The following CYBC1 variants were observed in gnomAD, a reference collection of about 807,000 sequenced individuals.
CYBC1 encodes cytochrome b-245 chaperone 1.
A neutral mutation model predicts 21.7 loss-of-function variants in CYBC1; 22 were observed. The observed-to-expected ratio is 1.02, with a 90% CI of 0.73 to 1.45. CYBC1 has a LOEUF of 1.45. Among genes scored for constraint, CYBC1 ranks in the 40% most tolerant of loss-of-function variants. The probability of loss-of-function intolerance (pLI) is 0.00; values close to 1 mark genes in which losing one functional copy is unlikely to be tolerated. For missense variants in CYBC1, 237 were observed against 242.1 expected (o/e 0.98, Z 0.14); for synonymous variants, 112 against 98.7 (o/e 1.13, Z -0.80).
chr17:82,443,360 C>T lies in CYBC1; in HGVS notation c.*644G>A. ...AGTGGTCTATGCGCCGAGATCCTGGCATCAGCAAGGGAGGCGGGTCCTCGG... is the reference window on the plus strand; with the variant it reads ...AGTGGTCTATGCGCCGAGATCCTGGTATCAGCAAGGGAGGCGGGTCCTCGG... On this transcript the variant is annotated 3_prime_UTR_variant, in exon 7 of 7. Transcript: ENST00000306645. The surrounding 1 kb of genome is among the most constrained non-coding windows in gnomAD (Gnocchi z 6.7). 1 of 462,386 alleles carries T rather than the reference C, an allele frequency of 2.2e-6. No homozygotes were observed. Among genetic ancestry groups the T allele is most frequent in the Admixed American group, 3.3e-5 (1 of 30,698 alleles). The allele number at this position is 462,386 out of a possible 1,614,324, so 28.6% of individuals were successfully genotyped here. A position where few individuals can be genotyped will look rare whatever the true frequency, so the allele number is the denominator to read the frequency against.
rs908464748 is a variant in CYBC1 at position 82,449,052 on chromosome 17, A to G, written c.85+118T>C. 8.7e-6 allele frequency: 7 copies of G among 806,166 alleles called. No homozygotes were observed. In the African/African-American group the frequency reaches 1.1e-4, roughly 12 times the overall value. 49.9% of individuals were successfully genotyped at this position (806,166 alleles called of 1,614,324 possible). The stretch of plus-strand genomic sequence containing the variant: ...ATTTGAATGGATACAAAGAAACAAA[A>G]TAGCCATTAGATTTCAAGGTAATAG... On this transcript the variant is annotated intron_variant, in intron 2 of 6. Coordinates refer to ENST00000306645, the MANE Select transcript of CYBC1 (RefSeq NM_001033046.4).
chr17:82,447,845 A>G, intron 2 of CYBC1: 2 of 602,516 alleles, frequency 3.3e-6, no homozygotes, highest in Non-Finnish European at 5.9e-6. Flanking sequence ...TTGTAATCCC[A>G]GCTACCTGGG....
At chr17:82,449,123 C>A (rs747443879) in intron 2 of CYBC1, 47 bp downstream of exon 2, 3 of 1,397,094 alleles carry the variant, frequency 2.1e-6, no homozygotes, top group African/African-American at 1.5e-5. Flanking sequence ...TTTTGAAAGT[C>A]AGGCTTCCGG....
chr17:82,449,256 C>G lies in CYBC1; in HGVS notation c.-2G>C, dbSNP rs747210616. 1.3e-6 allele frequency: 2 copies of G among 1,564,532 alleles called. No individual in the cohort carries two copies. The highest frequency in any genetic ancestry group is 1.7e-6 in the Non-Finnish European group (2 of 1,155,744). On this transcript the variant is annotated 5_prime_UTR_variant, in exon 2 of 7. Coordinates refer to ENST00000306645, the MANE Select transcript of CYBC1 (RefSeq NM_001033046.4). ...GCGGGTCTCCACCTGCAGGTACATC[C>G]CGAGAGGGCAGCACCACTCTCTACA...
chr17:82,443,852 C>T lies in CYBC1; in HGVS notation c.*152G>A, dbSNP rs951308727. 44 of 573,118 alleles carry T rather than the reference C, an allele frequency of 7.7e-5. No homozygotes were observed. The highest frequency in any genetic ancestry group is 4.0e-4 in the South Asian group (20 of 49,422). 35.5% of individuals were successfully genotyped at this position (573,118 alleles called of 1,614,324 possible). A position where few individuals can be genotyped will look rare whatever the true frequency, so the allele number is the denominator to read the frequency against. ...GGGCGGTGCACGGGCTCAGGCACAC[C>T]GGGAATGTGCCACGGGTCCTGTGGG... is the stretch of plus-strand genomic sequence containing the variant. On this transcript the variant is annotated 3_prime_UTR_variant, in exon 7 of 7. Coordinates refer to ENST00000306645, the MANE Select transcript of CYBC1 (RefSeq NM_001033046.4). The surrounding 1 kb of genome is among the most constrained non-coding windows in gnomAD (Gnocchi z 6.7).
At position 82,447,590 on chromosome 17, in the gene CYBC1, GTAGGCAGCAGC is replaced by G; in HGVS notation, c.106_116del (p.Ala36LeufsTer5). 1 of 1,601,356 alleles carries G rather than the reference GTAGGCAGCAGC, an allele frequency of 6.2e-7. No homozygotes were observed. The highest frequency in any genetic ancestry group is 8.5e-7 in the Non-Finnish European group (1 of 1,175,980). ...CGGGGGGTGCTTTACCTCCGCTGTA[GTAGGCAGCAGC>G]CAGGCCAATCGACAAGATTCCTATG... On this transcript the variant is annotated frameshift_variant, in exon 3 of 7. Transcript: ENST00000306645. LOFTEE classifies it high-confidence loss of function.
chr17:82,444,445 A>C lies in CYBC1; in HGVS notation c.443+2T>G. ...GGCCAGATCAAAGTCCCACAGCCTTACCTGCGGTGGCCCATGACTGCACTC... is the reference window on the plus strand; with the variant it reads ...GGCCAGATCAAAGTCCCACAGCCTTCCCTGCGGTGGCCCATGACTGCACTC... On this transcript the variant is annotated splice_donor_variant, in intron 6 of 6. Coordinates refer to ENST00000306645, the MANE Select transcript of CYBC1 (RefSeq NM_001033046.4). LOFTEE classifies it high-confidence loss of function. The C allele has an allele frequency of 6.2e-7, 1 of 1,603,996 alleles. No individual in the cohort carries two copies. Among genetic ancestry groups the C allele is most frequent in the Non-Finnish European group, 8.5e-7 (1 of 1,172,820 alleles).
intron 4 of CYBC1, among the ~76,000 whole-genome samples, chr17:82,446,246 G>A (rs1049007081): frequency 6.6e-6 from 1 of 152,220 alleles, no homozygotes; most frequent in African/African-American, 2.4e-5. Flanking sequence ...ACCAGCAAAC[G>A]AGGGCATGGA....
intron 4 of CYBC1, 43 bp downstream of exon 4, chr17:82,446,580 C>G (rs2054301108): frequency 6.3e-7 from 1 of 1,595,828 alleles, no homozygotes; most frequent in South Asian, 1.1e-5. Context: ...AACCCAGGAG[C>G]TGAACAGCCC....
rs369431979 is a variant in CYBC1, at chr17:82,445,493, G to C, written c.298+371C>G. ...GGGGCCAGACTGCACCTGCGGACAAGTGGCTGCCAGGCAGACGGGAGAATG... is the reference window on the plus strand; with the variant it reads ...GGGGCCAGACTGCACCTGCGGACAACTGGCTGCCAGGCAGACGGGAGAATG... On this transcript the variant is annotated intron_variant, in intron 5 of 6. Transcript: ENST00000306645. 19 of 180,222 alleles carry C rather than the reference G, an allele frequency of 1.1e-4. No homozygotes were observed. The South Asian group carries it at 1.7e-3, about 16-fold the overall frequency. 11.2% of individuals were successfully genotyped at this position (180,222 alleles called of 1,614,324 possible).
chr17:82,447,446 C>T, intron 3 of CYBC1, 134 bp downstream of exon 3: 1 of 765,854 alleles, frequency 1.3e-6, no homozygotes, highest in South Asian at 1.5e-5. Context: ...CGGTGCCCGC[C>T]AGCAATCAAG....
chr17:82,446,325 C>T (rs1434463557), intron 4 of CYBC1, among the ~76,000 whole-genome samples: 1 of 152,176 alleles, frequency 6.6e-6, no homozygotes, highest in East Asian at 1.9e-4. Flanking sequence ...GGGCCGGCCA[C>T]GGGGAAAGCT....
intron 1 of CYBC1, 191 bp downstream of exon 1, chr17:82,450,509 G>A (rs2054527796): frequency 1.3e-5 from 2 of 152,198 alleles, no homozygotes; most frequent in Admixed American, 6.5e-5. Context: ...CCGGATCGGG[G>A]GCGCTCCCGC....
Position 82,446,072 on chromosome 17 carries a change from G to A in CYBC1, c.202-112C>T, listed in dbSNP as rs549029120. On this transcript the variant is annotated intron_variant, in intron 4 of 6. Transcript: ENST00000306645. ...GTGGACACTCAAGAAGGGGGGCTGG[G>A]GACCCTCCCAGTCAGAACCCAAACC... The A allele has an allele frequency of 3.4e-5, 28 of 820,840 alleles. No homozygotes were observed. In the Admixed American group the frequency reaches 5.6e-4, roughly 16 times the overall value. The allele number at this position is 820,840 out of a possible 1,614,324, so 50.8% of individuals were successfully genotyped here. A position where few individuals can be genotyped will look rare whatever the true frequency, so the allele number is the denominator to read the frequency against.
rs1487539289 is a variant in CYBC1 at position 82,443,272 on chromosome 17, C to T, written c.*732G>A. The T allele has an allele frequency of 5.5e-6, 2 of 361,124 alleles. No individual in the cohort carries two copies. Among genetic ancestry groups the T allele is most frequent in the East Asian group, 1.4e-4 (2 of 14,166 alleles). 22.4% of individuals were successfully genotyped at this position (361,124 alleles called of 1,614,324 possible). On this transcript the variant is annotated 3_prime_UTR_variant, in exon 7 of 7. Transcript: ENST00000306645. This position sits in a 1 kb window ranked among gnomAD's most constrained non-coding sequence, Gnocchi z 6.7. ...AGAGCTGACCTTTTTTCTGGCCTCA[C>T]AGCTTATGCTGAAGCTGAGTGTGAG...
rs746836449 is a variant in CYBC1 at position 82,446,715 on chromosome 17, C to T, written c.128-19G>A. The T allele has an allele frequency of 1.2e-6, 2 of 1,613,252 alleles. No homozygotes were observed. The highest frequency in any genetic ancestry group is 1.7e-6 in the Non-Finnish European group (2 of 1,179,688). On this transcript the variant is annotated intron_variant, in intron 3 of 6. Transcript: ENST00000306645. ...AGGCTATCTGGAGATGGGCATAGGG[C>T]GCCAGCCTGTGAGCTCCAGGGACAT...
Position 82,449,268 on chromosome 17 carries a change from C to T in CYBC1, c.-14G>A. ...CTGCAGGTACATCCCGAGAGGGCAG[C>T]ACCACTCTCTACAGGAGGAGGGGTC... On this transcript the variant is annotated 5_prime_UTR_variant, in exon 2 of 7. Coordinates refer to ENST00000306645, the MANE Select transcript of CYBC1 (RefSeq NM_001033046.4). 1.3e-6 allele frequency: 2 copies of T among 1,549,494 alleles called. No homozygotes were observed. The highest frequency in any genetic ancestry group is 1.7e-6 in the Non-Finnish European group (2 of 1,148,564).
At position 82,444,130 on chromosome 17, in the gene CYBC1, C is replaced by T. The variant is rs201478855; in HGVS notation, c.444-6G>A. On this transcript the variant is annotated splice_polypyrimidine_tract_variant and splice_region_variant and intron_variant, in intron 6 of 6. Transcript: ENST00000306645. ...TGGCGATGGCTTCCACATCACTGGG[C>T]GAGGCCGGCAACGGGAGGAAGGTCA... 755 of 1,607,868 alleles carry T rather than the reference C, an allele frequency of 4.7e-4. 1 individual carries two copies. The highest frequency in any genetic ancestry group is 6.5e-4 in the Admixed American group (39 of 59,888).
intron 6 of CYBC1, 56 bp downstream of exon 6, chr17:82,444,391 C>A: frequency 6.4e-7 from 1 of 1,559,298 alleles, no homozygotes; most frequent in Non-Finnish European, 8.7e-7. Flanking sequence ...CAGTCAGGAA[C>A]GGGAGTGACC....
Sources: gnomAD v4.1 joint callset for allele counts (sites outside exome capture counted in the v4.1 genomes callset) on GRCh38, gnomAD v4.1.1 for gene constraint, Gnocchi (gnomAD v3.1) non-coding constraint, MANE v1.5 for transcripts, NCBI Gene and HGNC (gene_info 2026-07-23, HGNC 2026-07-21) for gene names.